ZBTB48: variants seen among roughly 807,000 people sequenced by gnomAD.
ZBTB48 encodes the protein zinc finger and BTB domain containing 48.
ZBTB48 carries 35 observed loss-of-function variants against 64.5 expected under a neutral mutation model. That is an observed-to-expected ratio of 0.54 (90% CI 0.41 to 0.72). The LOEUF (loss-of-function observed/expected upper bound fraction) is 0.72. Among genes scored for constraint, ZBTB48 ranks in the 30% least tolerant of loss-of-function variants. The pLI is 0.00. For missense variants in ZBTB48, 828 were observed against 895.3 expected (o/e 0.92, Z 0.96); for synonymous variants, 442 against 356.7 (o/e 1.24, Z -2.70).
intron 3 of ZBTB48, among the ~76,000 whole-genome samples, chr1:6,583,889 C>G (rs1190743677): frequency 6.6e-6 from 1 of 151,462 alleles, no homozygotes; most frequent in Non-Finnish European, 1.5e-5. Flanking sequence ...AAGCGATTCT[C>G]CTGCCTCAGC....
chr1:6,586,669 G>C (rs1208282592), intron 4 of ZBTB48, 26 bp from the exon 5 acceptor site: 1 of 1,521,362 alleles, frequency 6.6e-7, no homozygotes, highest in Non-Finnish European at 8.8e-7. Flanking sequence ...GCTGATGCCG[G>C]CCCTGCTTGC....
Position 6,580,923 on chromosome 1 carries a change from C to T in ZBTB48, c.314C>T (p.Pro105Leu), listed in dbSNP as rs749171216. The T allele has an allele frequency of 6.2e-7, 1 of 1,614,062 alleles. No homozygotes were observed. The highest frequency in any genetic ancestry group is 2.2e-5 in the East Asian group (1 of 44,882). ...VLLAARELRV[P>L]EAVELCQSFK... The stretch of plus-strand genomic sequence containing the variant: ...CTGGCAGCCAGGGAGTTGCGAGTGC[C>T]AGAGGCCGTAGAGCTGTGCCAGAGC... Residue 105 changes from proline (P) to leucine (L), a missense_variant, in exon 2 of 11, where the codon CCA becomes CTA. Transcript: ENST00000377674. The surrounding 1 kb of genome is among the most constrained non-coding windows in gnomAD (Gnocchi z 5.2).
At chr1:6,587,389 G>A (rs186204044) in intron 6 of ZBTB48, 89 bp from the exon 7 acceptor site, 52 of 1,603,656 alleles carry the variant, frequency 3.2e-5, no homozygotes, top group African/African-American at 2.3e-4. Context: ...TCTGTTGTTC[G>A]GGGGGGTGCT....
intron 4 of ZBTB48, chr1:6,586,465 G>A (rs1424581023): frequency 2.9e-5 from 25 of 869,780 alleles, no homozygotes; most frequent in South Asian, 2.7e-4. Flanking sequence ...GAGGCCACTC[G>A]GACCCTGCCC....
At chr1:6,586,359 A>G (rs1010116983) in intron 4 of ZBTB48, 1 of 500,184 alleles carries the variant, frequency 2.0e-6, no homozygotes. Context: ...CACCCCCAGC[A>G]ACCCCACTGC....
rs1221619425 is a variant in ZBTB48 at position 6,588,313 on chromosome 1, G to A, written c.1552G>A (p.Glu518Lys). 2 of 1,608,252 alleles carry A rather than the reference G, an allele frequency of 1.2e-6. No homozygotes were observed. The highest frequency in any genetic ancestry group is 3.3e-5 in the Admixed American group (2 of 59,902). ...CAAGCACAACCGCACCCACACCGGG[G>A]AAAGGCCCTTCAGTTGCGAGTTCTG... ...LDKHNRTHTG[E>K]RPFSCEFCEQ... is the part of the protein sequence containing the mutation. The change falls in exon 9 of 11, where the codon GAA (glutamate) becomes AAA (lysine). Residue 518 changes from glutamate to lysine, a missense_variant. Physicochemically the swap from Glu to Lys is moderately conservative, Grantham distance 56. Transcript: ENST00000377674.
Position 6,588,986 on chromosome 1 carries a change from G to A in ZBTB48, c.1841G>A (p.Arg614His). The change falls in exon 11 of 11, where the codon CGC becomes CAC. Residue 614 changes from arginine (R) to histidine (H), a missense_variant. Arg to His is a conservative substitution (Grantham distance 29). Transcript: ENST00000377674. ...TACAACCCGCGGCAGCGCAAGCTCC[G>A]CAACCTGATCATCGAGGACGAGAAG... is the stretch of plus-strand genomic sequence containing the variant. ...ENYNPRQRKL[R>H]NLIIEDEKMV... 3.8e-6 allele frequency: 6 copies of A among 1,599,394 alleles called. No individual in the cohort carries two copies. The highest frequency in any genetic ancestry group is 5.1e-6 in the Non-Finnish European group (6 of 1,171,296).
At position 6,588,427 on chromosome 1, in the gene ZBTB48, G is replaced by C; in HGVS notation, c.1666G>C (p.Gly556Arg). The change falls in exon 9 of 11, where the codon GGC becomes CGC. Residue 556 changes from glycine (G) to arginine (R), a missense_variant. Gly to Arg is a moderately radical substitution (Grantham distance 125). Transcript: ENST00000377674. ...EGRPHFCQIC[G>R]KTFKAVEQLR... Reference sequence around the variant, plus strand: ...CCGGCCCCACTTCTGCCAGATATGCGGCAAGACCTTCAAAGGTACCTGGGC... The same window carrying C: ...CCGGCCCCACTTCTGCCAGATATGCCGCAAGACCTTCAAAGGTACCTGGGC... The C allele has an allele frequency of 6.5e-7, 1 of 1,550,182 alleles. No individual in the cohort carries two copies. The highest frequency in any genetic ancestry group is 2.3e-5 in the East Asian group (1 of 43,640).
In ZBTB48 at chr1:6,588,981, G is replaced by C; in HGVS notation, c.1836G>C (p.Lys612Asn). 1 of 1,601,328 alleles carries C rather than the reference G, an allele frequency of 6.2e-7. No homozygotes were observed. The highest frequency in any genetic ancestry group is 1.1e-5 in the South Asian group (1 of 89,944). ...AGAACTACAACCCGCGGCAGCGCAA[G>C]CTCCGCAACCTGATCATCGAGGACG... ...RVENYNPRQR[K>N]LRNLIIEDEK... The change falls in exon 11 of 11, where the codon AAG (lysine) becomes AAC (asparagine). Residue 612 changes from lysine (K) to asparagine (N), a missense_variant. Physicochemically the swap from Lys to Asn is moderately conservative, Grantham distance 94. Coordinates refer to ENST00000377674, the MANE Select transcript of ZBTB48 (RefSeq NM_005341.4).
Position 6,580,791 on chromosome 1 carries a change from G to T in ZBTB48, c.182G>T (p.Gly61Val). The T allele has an allele frequency of 1.2e-6, 2 of 1,614,226 alleles. No homozygotes were observed. The highest frequency in any genetic ancestry group is 1.7e-6 in the Non-Finnish European group (2 of 1,180,042). Residue 61 changes from glycine (G) to valine (V), a missense_variant, in exon 2 of 11, where the codon GGC becomes GTC. Transcript: ENST00000377674. This position sits in a 1 kb window ranked among gnomAD's most constrained non-coding sequence, Gnocchi z 5.2. ...AGCCTCTACGGGGATGGCTCAGGGG[G>T]CAGTGTCGTCCTCCCTGCTGGCTTC... Reference protein sequence around the residue: ...FQSLYGDGSGGSVVLPAGFAE... With the variant: ...FQSLYGDGSGVSVVLPAGFAE...
In ZBTB48 at chr1:6,584,848, C is replaced by T. The variant is rs1442311043; in HGVS notation, c.933-1071C>T. Among the ~76,000 whole-genome samples the T allele has an allele frequency of 6.6e-6, 1 of 152,232 alleles. No individual in the cohort carries two copies. Among genetic ancestry groups the T allele is most frequent in the East Asian group, 1.9e-4 (1 of 5,180 alleles). On this transcript the variant is annotated intron_variant, in intron 3 of 10. Transcript: ENST00000377674. The surrounding 1 kb of genome is among the most constrained non-coding windows in gnomAD (Gnocchi z 4.5). ...GCCTCTGGAAGGTGGGAGGAGCTGT[C>T]GCAGGCTGCACAGGGGCTCTGAGGT...
At chr1:6,585,870 A>G (rs1640642641) in intron 3 of ZBTB48, 49 bp from the exon 4 acceptor site, 6 of 1,572,656 alleles carry the variant, frequency 3.8e-6, no homozygotes, top group Non-Finnish European at 5.3e-6. Flanking sequence ...GGTGAGGGAG[A>G]GATGGGAAAC....
chr1:6,581,940 T>C, intron 2 of ZBTB48, 118 bp from the exon 3 acceptor site: 1 of 1,473,662 alleles, frequency 6.8e-7, no homozygotes, highest in Non-Finnish European at 9.2e-7. Context: ...TGAAGGAACT[T>C]GTCTGATGAA....
Position 6,589,151 on chromosome 1 carries a change from C to T in ZBTB48, c.2006C>T (p.Pro669Leu), listed in dbSNP as rs373684452. Residue 669 changes from proline to leucine, a missense_variant, in exon 11 of 11, where the codon CCA becomes CTA. Coordinates refer to ENST00000377674, the MANE Select transcript of ZBTB48 (RefSeq NM_005341.4). ...RLCAEESFTGPGVLEPSLIIT... is the reference protein window; with the variant it reads ...RLCAEESFTGLGVLEPSLIIT... ...TGTGCAGAGGAGAGCTTCACCGGCCCAGGTGTCCTGGAGCCCTCCCTCATC... is the reference window on the plus strand; with the variant it reads ...TGTGCAGAGGAGAGCTTCACCGGCCTAGGTGTCCTGGAGCCCTCCCTCATC... 1 of 1,576,458 alleles carries T rather than the reference C, an allele frequency of 6.3e-7. No homozygotes were observed. Among genetic ancestry groups the T allele is most frequent in the Non-Finnish European group, 8.6e-7 (1 of 1,164,738 alleles).
At chr1:6,586,603 T>G (rs1006212679) in intron 4 of ZBTB48, 92 bp from the exon 5 acceptor site, 89 of 1,246,064 alleles carry the variant, frequency 7.1e-5, no homozygotes, top group Non-Finnish European at 9.1e-5. Context: ...AGGCAGACTC[T>G]TCCCAGCAGC....
Position 6,580,981 on chromosome 1 carries a change from A to G in ZBTB48, c.372A>G (p.Ala124=). 6.2e-7 allele frequency: 1 copy of G among 1,613,698 alleles called. No individual in the cohort carries two copies. Among genetic ancestry groups the G allele is most frequent in the Non-Finnish European group, 8.5e-7 (1 of 1,180,026 alleles). Residue 124 remains alanine, a synonymous_variant, in exon 2 of 11, where the codon GCA becomes GCG. Coordinates refer to ENST00000377674, the MANE Select transcript of ZBTB48 (RefSeq NM_005341.4). The surrounding 1 kb of genome is among the most constrained non-coding windows in gnomAD (Gnocchi z 5.2). ...CCAAAACTTCAGTGGGACAGGCAGC[A>G]GGTGGCCAGAGTGGGCTGGGGCCCC... is the stretch of plus-strand genomic sequence containing the variant. ...FKPKTSVGQA[A]GGQSGLGPPA...
intron 3 of ZBTB48, among the ~76,000 whole-genome samples, chr1:6,582,826 A>G (rs111440335): frequency 2.8e-4 from 43 of 152,302 alleles, no homozygotes; most frequent in African/African-American, 1.0e-3. Context: ...TCCAGGAGCT[A>G]TTACAATTTT....
chr1:6,580,450 G>T lies in ZBTB48; in HGVS notation c.-69-91G>T. ...CTGTCAGTGTGTTCCAGCCCTCCGC[G>T]TGCACCCCTCACCCTGACCCAAGCC... On this transcript the variant is annotated intron_variant, in intron 1 of 10. Coordinates refer to ENST00000377674, the MANE Select transcript of ZBTB48 (RefSeq NM_005341.4). This position sits in a 1 kb window ranked among gnomAD's most constrained non-coding sequence, Gnocchi z 5.2. The T allele has an allele frequency of 1.4e-6, 1 of 728,548 alleles. No individual in the cohort carries two copies. Among genetic ancestry groups the T allele is most frequent in the South Asian group, 1.9e-5 (1 of 51,696 alleles). 45.1% of individuals were successfully genotyped at this position (728,548 alleles called of 1,614,324 possible).
At chr1:6,582,368 T>TACC in intron 3 of ZBTB48, 69 bp downstream of exon 3, 2 of 1,560,810 alleles carry the variant, frequency 1.3e-6, no homozygotes, top group East Asian at 4.5e-5. Flanking sequence ...GGTCCTGCAC[T>TACC]TCCCACTTCT....
Sources: allele counts gnomAD v4.1 joint callset (sites outside exome capture counted in the v4.1 genomes callset), GRCh38; gene constraint gnomAD v4.1.1; non-coding constraint Gnocchi (gnomAD v3.1); transcripts MANE v1.5; gene names NCBI Gene and HGNC (gene_info 2026-07-23, HGNC 2026-07-21).